Variants in DCAF5 observed in about 807,000 individuals in gnomAD.
DCAF5 encodes the protein DDB1- and CUL4-associated factor 5.
A neutral mutation model predicts 80.7 loss-of-function variants in DCAF5; 9 were observed. The ratio of observed to expected loss-of-function variants is 0.11; its 90% CI spans 0.07 to 0.19. The LOEUF is 0.19. Among genes scored for constraint, DCAF5 ranks in the 10% least tolerant of loss-of-function variants. The probability of loss-of-function intolerance (pLI) is 1.00; values close to 1 mark genes in which losing one functional copy is unlikely to be tolerated. For synonymous variants in DCAF5, 433 were observed against 461.9 expected (o/e 0.94, Z 0.80); for missense variants, 842 against 1,205.7 (o/e 0.70, Z 4.47).
At chr14:69,062,572 AG>A in intron 7 of DCAF5, 61 bp from the exon 8 acceptor site, 1 of 1,589,448 alleles carries the variant, frequency 6.3e-7, no homozygotes, top group South Asian at 1.1e-5. Flanking sequence ...AATAGGTTCC[AG>A]TAATGGCAGA....
intron 7 of DCAF5, among the ~76,000 whole-genome samples, chr14:69,072,623 TAAA>T (rs57781214): frequency 0.47 from 54,611 of 115,718 alleles, 14,223 homozygotes; most frequent in East Asian, 0.79. Context: ...ACCCTGACTT[TAAA>T]AAAAAAAAAA....
chr14:69,130,517 TGAA>T (rs2041010564), intron 1 of DCAF5, among the ~76,000 whole-genome samples: 1 of 152,198 alleles, frequency 6.6e-6, no homozygotes, highest in Non-Finnish European at 1.5e-5. Context: ...ATTAATTACA[TGAA>T]TGTAATTAAT....
chr14:69,122,766 G>A (rs375839137), intron 1 of DCAF5, among the ~76,000 whole-genome samples: 1 of 152,250 alleles, frequency 6.6e-6, no homozygotes, highest in East Asian at 1.9e-4. Flanking sequence ...GAACTTTAAA[G>A]TAATATTTCT....
At chr14:69,147,179 C>T (rs2140127498) in intron 1 of DCAF5, among the ~76,000 whole-genome samples, 1 of 152,300 alleles carries the variant, frequency 6.6e-6, no homozygotes, top group East Asian at 1.9e-4. Flanking sequence ...TTATTCAATG[C>T]TTAAAAATAC....
In DCAF5 at chr14:69,152,438, T is replaced by G; in HGVS notation, c.214+327A>C. On this transcript the variant is annotated intron_variant, in intron 1 of 8. Transcript: ENST00000341516. This position sits in a 1 kb window ranked among gnomAD's most constrained non-coding sequence, Gnocchi z 4.1. The stretch of plus-strand genomic sequence containing the variant: ...CCTTTTAAAGTACGCGGAGGAAGAG[T>G]TTGCCGTCAAACTTTGTAGAGCGGT... 3 of 248,106 alleles carry G rather than the reference T, an allele frequency of 1.2e-5. No individual in the cohort carries two copies. The highest frequency in any genetic ancestry group is 9.2e-5 in the East Asian group (1 of 10,860). The allele number at this position is 248,106 out of a possible 1,614,324, so 15.4% of individuals were successfully genotyped here. A position where few individuals can be genotyped will look rare whatever the true frequency, so the allele number is the denominator to read the frequency against.
Position 69,052,944 on chromosome 14 carries a change from C to T in DCAF5, c.*913G>A, listed in dbSNP as rs2037809938. 6.6e-6 allele frequency: 1 copy of T among 152,238 alleles called. No homozygotes were observed. The highest frequency in any genetic ancestry group is 2.1e-4 in the South Asian group (1 of 4,830). The allele number at this position is 152,238 out of a possible 1,614,324, so 9.4% of individuals were successfully genotyped here. ...ACTTTAGTAGCCTGAGCACAAAGCT[C>T]TGGAAAGCTGTCTTTGCCCTTCTTT... On this transcript the variant is annotated 3_prime_UTR_variant, in exon 9 of 9. Transcript: ENST00000341516.
chr14:69,112,592 T>TAC (rs1398075694), intron 5 of DCAF5, among the ~76,000 whole-genome samples: 1 of 84,896 alleles, frequency 1.2e-5, no homozygotes, highest in African/African-American at 5.7e-5. Flanking sequence ...GATATATATG[T>TAC]ATACACACAC....
intron 1 of DCAF5, among the ~76,000 whole-genome samples, chr14:69,129,062 T>G (rs2040961282): frequency 6.6e-6 from 1 of 152,196 alleles, no homozygotes; most frequent in Non-Finnish European, 1.5e-5. Context: ...ATCTTTAATG[T>G]TCATTCTAGG....
In DCAF5 at chr14:69,054,199, A is replaced by G; in HGVS notation, c.2487T>C (p.Cys829=). 1.2e-6 allele frequency: 2 copies of G among 1,614,238 alleles called. No individual in the cohort carries two copies. Among genetic ancestry groups the G allele is most frequent in the South Asian group, 1.1e-5 (1 of 91,090 alleles). Residue 829 remains cysteine (C), a synonymous_variant, in exon 9 of 9, where the codon TGT becomes TGC. Transcript: ENST00000341516. ...DSEERSLETI[C]ANHNNGRLHP... is the part of the protein sequence containing the mutation. ...GTAAGCGTCCATTGTTGTGGTTGGCACAGATGGTTTCGAGGCTCCTCTCCT... is the reference window on the plus strand; with the variant it reads ...GTAAGCGTCCATTGTTGTGGTTGGCGCAGATGGTTTCGAGGCTCCTCTCCT...
Position 69,055,585 on chromosome 14 carries a change from T to A in DCAF5, c.1101A>T (p.Gly367=), listed in dbSNP as rs1396702850. The A allele has an allele frequency of 8.7e-6, 14 of 1,602,846 alleles. No homozygotes were observed. In the South Asian group the frequency reaches 9.9e-5, roughly 11 times the overall value. ...TCCGACCGTCGAGGTCTCCAGTACA[T>A]CCTGGCTGCTTGTATGGGCTCCAGA... The part of the protein sequence containing the change: ...IKIWSPYKQP[G]CTGDLDGRIE... The change falls in exon 9 of 9, where the codon GGA becomes GGT. Residue 367 remains glycine (G), a synonymous_variant. Transcript: ENST00000341516. This position sits in a 1 kb window ranked among gnomAD's most constrained non-coding sequence, Gnocchi z 5.6.
intron 7 of DCAF5, among the ~76,000 whole-genome samples, chr14:69,074,057 C>A (rs550789103): frequency 1.3e-5 from 2 of 152,214 alleles, no homozygotes; most frequent in East Asian, 3.9e-4. Context: ...TGTTTAGTAA[C>A]TAGACCACAG....
intron 1 of DCAF5, among the ~76,000 whole-genome samples, chr14:69,125,999 A>C (rs57422627): frequency 0.015 from 2,334 of 152,252 alleles, 46 homozygotes; most frequent in East Asian, 0.065. Context: ...AATATACAAA[A>C]GTCCATCACT....
In DCAF5 at chr14:69,074,567, G is replaced by A. The variant is rs1042513082; in HGVS notation, c.946+778C>T. On this transcript the variant is annotated intron_variant, in intron 7 of 8. Coordinates refer to ENST00000341516, the MANE Select transcript of DCAF5 (RefSeq NM_003861.3). ...CTTCCTAATTTCTTTGACGTCCTGG[G>A]TCAACAAAGCCCCAGGGAACATACC... Among the ~76,000 whole-genome samples the A allele has an allele frequency of 2.6e-5, 4 of 152,102 alleles. No individual in the cohort carries two copies. The South Asian group carries it at 8.3e-4, about 31-fold the overall frequency.
At chr14:69,091,508 G>A (rs1207935502) in intron 6 of DCAF5, among the ~76,000 whole-genome samples, 166 bp downstream of exon 6, 2 of 152,012 alleles carry the variant, frequency 1.3e-5, no homozygotes, top group African/African-American at 2.4e-5. Flanking sequence ...TGACAGCCTT[G>A]ATAAAGAAAC....
chr14:69,153,134 G>T, upstream of DCAF5: 2 of 510,026 alleles, frequency 3.9e-6, no homozygotes, highest in Non-Finnish European at 6.4e-6. Flanking sequence ...ACACTCGGCG[G>T]CGTTCGCGGC....
intron 5 of DCAF5, among the ~76,000 whole-genome samples, chr14:69,115,674 T>G (rs899089115): frequency 5.9e-5 from 9 of 152,070 alleles, no homozygotes; most frequent in African/African-American, 2.2e-4. Context: ...TCACCCCCAT[T>G]CCCACATCCT....
At chr14:69,124,780 G>T (rs1232303659) in intron 1 of DCAF5, among the ~76,000 whole-genome samples, 1 of 152,128 alleles carries the variant, frequency 6.6e-6, no homozygotes, top group African/African-American at 2.4e-5. Context: ...GGGCACTTTA[G>T]TTCTCTATAG....
At position 69,118,003 on chromosome 14, in the gene DCAF5, C is replaced by T; in HGVS notation, c.535+136G>A. 8.0e-7 allele frequency: 1 copy of T among 1,255,530 alleles called. No individual in the cohort carries two copies. The highest frequency in any genetic ancestry group is 1.1e-6 in the Non-Finnish European group (1 of 882,252). 77.8% of individuals were successfully genotyped at this position (1,255,530 alleles called of 1,614,324 possible). On this transcript the variant is annotated intron_variant, in intron 4 of 8. Coordinates refer to ENST00000341516, the MANE Select transcript of DCAF5 (RefSeq NM_003861.3). The surrounding 1 kb of genome is among the most constrained non-coding windows in gnomAD (Gnocchi z 4.0). ...AAGGCCTCCAAAGACCTCTTATGCC[C>T]CCATGTGAGTGTTTCACATTTCCTT...
intron 5 of DCAF5, among the ~76,000 whole-genome samples, chr14:69,104,307 A>C (rs1438793555): frequency 5.3e-5 from 8 of 152,172 alleles, no homozygotes; most frequent in African/African-American, 9.7e-5. Context: ...ATTTCAAAAC[A>C]AACAGAGAGA....
Sources: gnomAD v4.1 joint callset for allele counts (sites outside exome capture counted in the v4.1 genomes callset) on GRCh38, gnomAD v4.1.1 for gene constraint, Gnocchi (gnomAD v3.1) non-coding constraint, MANE v1.5 for transcripts, NCBI Gene and HGNC (gene_info 2026-07-23, HGNC 2026-07-21) for gene names.